Variants in ATP2B1 observed in about 807,000 individuals in gnomAD.
ATP2B1 encodes plasma membrane calcium-transporting ATPase 1.
A neutral mutation model predicts 124.2 loss-of-function variants in ATP2B1; 14 were observed. The ratio of observed to expected loss-of-function variants is 0.11; its 90% confidence interval spans 0.07 to 0.18. The LOEUF is 0.18. Among genes scored for constraint, ATP2B1 ranks in the 10% least tolerant of loss-of-function variants. ATP2B1 has a pLI of 1.00. For synonymous variants in ATP2B1, 449 were observed against 492.4 expected, an observed-to-expected ratio of 0.91 and a Z score of 1.17; for missense variants, 763 against 1,466.1, an observed-to-expected ratio of 0.52 and a Z score of 7.83.
intron 1 of ATP2B1, among the ~76,000 whole-genome samples, chr12:89,672,830 T>C (rs1020606712): frequency 3.3e-5 from 5 of 152,224 alleles, no homozygotes; most frequent in African/African-American, 1.2e-4. Context: ...GTGAATCATA[T>C]TAAGTCTAGT....
intron 3 of ATP2B1, chr12:89,641,910 A>G (rs569966753): frequency 1.5e-5 from 7 of 454,064 alleles, no homozygotes; most frequent in African/African-American, 7.9e-5. Flanking sequence ...GGTCTGTGCC[A>G]GACACATAGT....
At chr12:89,638,380 G>C (rs998388942) in intron 3 of ATP2B1, among the ~76,000 whole-genome samples, 2 of 152,166 alleles carry the variant, frequency 1.3e-5, no homozygotes, top group Non-Finnish European at 2.9e-5. Flanking sequence ...TAACAGTACA[G>C]AGAAGTAGTT....
chr12:89,597,717 A>G (rs1323227098), intron 20 of ATP2B1, among the ~76,000 whole-genome samples: 3 of 152,128 alleles, frequency 2.0e-5, no homozygotes, highest in African/African-American at 7.2e-5. Context: ...AATGCCTCCA[A>G]TATATTGAGA....
intron 1 of ATP2B1, among the ~76,000 whole-genome samples, chr12:89,676,486 C>T (rs1185146998): frequency 6.6e-6 from 1 of 152,070 alleles, no homozygotes; most frequent in Non-Finnish European, 1.5e-5. Flanking sequence ...GAGACAGGGT[C>T]TCACTACGTT....
At chr12:89,690,550 G>C (rs1201424666) in intron 1 of ATP2B1, among the ~76,000 whole-genome samples, 1 of 151,190 alleles carries the variant, frequency 6.6e-6, no homozygotes, top group East Asian at 1.9e-4. Flanking sequence ...GCTCATTCTT[G>C]TGAGTTGAAT....
intron 1 of ATP2B1, among the ~76,000 whole-genome samples, chr12:89,664,851 CTTT>C (rs71307587): frequency 2.8e-5 from 4 of 142,790 alleles, no homozygotes; most frequent in Admixed American, 7.0e-5. Context: ...TTATGCTATT[CTTT>C]TTTTTTTTTT....
Position 89,624,380 on chromosome 12 carries a change from T to A in ATP2B1, c.1147A>T (p.Ile383Phe), listed in dbSNP as rs772172164. 1.9e-6 allele frequency: 3 copies of A among 1,613,678 alleles called. No homozygotes were observed. The Admixed American group carries it at 5.0e-5, about 27-fold the overall frequency. ...IGKAGLLMSA[I>F]TVIILVLYFV... ...TATAATACTAGAATGATAACTGTGA[T>A]GGCAGACATCAACAGACCTTTCAGA... The change falls in exon 9 of 21, where the codon ATC (isoleucine) becomes TTC (phenylalanine). Residue 383 changes from isoleucine to phenylalanine, a missense_variant. Physicochemically the swap from Ile to Phe is conservative, Grantham distance 21 (BLOSUM62 0). Transcript: ENST00000428670.
chr12:89,604,628 C>T (rs1876481856), intron 15 of ATP2B1, among the ~76,000 whole-genome samples: 1 of 151,902 alleles, frequency 6.6e-6, no homozygotes, highest in South Asian at 2.1e-4. Context: ...TTCCAAAAGC[C>T]ACACAAAAAG....
chr12:89,607,798 C>A (rs1487782801), intron 15 of ATP2B1, among the ~76,000 whole-genome samples: 1 of 152,120 alleles, frequency 6.6e-6, no homozygotes, highest in Non-Finnish European at 1.5e-5. Flanking sequence ...AAAGTCTGCA[C>A]ATGTTCACTA....
chr12:89,630,513 T>C lies in ATP2B1; in HGVS notation c.920A>G (p.Glu307Gly). The change falls in exon 6 of 21, where the codon GAA (glutamate) becomes GGA (glycine). Residue 307 changes from glutamate (E) to glycine (G), a missense_variant. Transcript: ENST00000428670. ...AAAATTGTTATTCTTACTTTTCTTT[T>C]CCTTTTTCTTCTCATCTTTCTTCTC... Reference protein sequence around the residue: ...EEEKKDEKKKEKKNKKQDGAI... With the variant: ...EEEKKDEKKKGKKNKKQDGAI... 6.4e-7 allele frequency: 1 copy of C among 1,569,834 alleles called. No individual in the cohort carries two copies.
chr12:89,708,023 C>T (rs775354581), intron 1 of ATP2B1, among the ~76,000 whole-genome samples: 45 of 152,292 alleles, frequency 3.0e-4, no homozygotes, highest in Non-Finnish European at 5.0e-4. Flanking sequence ...GGAGAAAGAC[C>T]AGGCGGCTCT....
At chr12:89,708,301 A>T (rs1170270534) in intron 1 of ATP2B1, among the ~76,000 whole-genome samples, 1 of 152,108 alleles carries the variant, frequency 6.6e-6, no homozygotes, top group East Asian at 1.9e-4. Context: ...GCGGGTGTAG[A>T]CCAGAAGCCC....
At chr12:89,653,982 C>T (rs1461836663) in intron 2 of ATP2B1, among the ~76,000 whole-genome samples, 2 of 152,146 alleles carry the variant, frequency 1.3e-5, no homozygotes, top group African/African-American at 2.4e-5. Flanking sequence ...TATGAACAAA[C>T]TATGTTGTTA....
intron 1 of ATP2B1, among the ~76,000 whole-genome samples, chr12:89,670,925 A>T (rs890607329): frequency 2.0e-5 from 3 of 148,166 alleles, no homozygotes; most frequent in Non-Finnish European, 3.0e-5. Flanking sequence ...ACAGGGAAAG[A>T]AGTATAACAG....
chr12:89,708,016 G>A (rs894064931), intron 1 of ATP2B1, among the ~76,000 whole-genome samples: 2 of 152,220 alleles, frequency 1.3e-5, no homozygotes, highest in African/African-American at 2.4e-5. Flanking sequence ...GGCGTGAGGA[G>A]AAAGACCAGG....
In ATP2B1 at chr12:89,624,370, A is replaced by G. The variant is rs1291230094; in HGVS notation, c.1157T>C (p.Ile386Thr). ...AGLLMSAITVIILVLYFVIDT... is the reference protein window; with the variant it reads ...AGLLMSAITVTILVLYFVIDT... ...AATGACAAAATATAATACTAGAATG[A>G]TAACTGTGATGGCAGACATCAACAG... Residue 386 changes from isoleucine to threonine, a missense_variant, in exon 9 of 21, where the codon ATC (isoleucine) becomes ACC (threonine). Physicochemically the swap from Ile to Thr is moderately conservative, Grantham distance 89 (BLOSUM62 -1). Coordinates refer to ENST00000428670, the MANE Select transcript of ATP2B1 (RefSeq NM_001366521.1). 3 of 1,614,002 alleles carry G rather than the reference A, an allele frequency of 1.9e-6. No homozygotes were observed. Among genetic ancestry groups the G allele is most frequent in the Non-Finnish European group, 2.5e-6 (3 of 1,179,926 alleles).
intron 20 of ATP2B1, chr12:89,598,619 G>A: frequency 6.2e-7 from 1 of 1,613,944 alleles, no homozygotes; most frequent in Middle Eastern, 1.6e-4. Context: ...AGTAGAAGAG[G>A]AAAACACTAC....
At chr12:89,625,584 C>CAAAAAAAAAAAAAAAAA (rs10560749) in intron 8 of ATP2B1, among the ~76,000 whole-genome samples, 19 of 81,550 alleles carry the variant, frequency 2.3e-4, no homozygotes, top group Non-Finnish European at 2.6e-4. Flanking sequence ...GACCCTGTCT[C>CAAAAAAAAAAAAAAAAA]AAAAAAAAAA....
chr12:89,641,905 GT>G, intron 3 of ATP2B1: 2 of 442,542 alleles, frequency 4.5e-6, no homozygotes, highest in Non-Finnish European at 8.1e-6. Flanking sequence ...GCATAGGTCT[GT>G]GCCAGACACA....
Sources: allele counts gnomAD v4.1 joint callset (sites outside exome capture counted in the v4.1 genomes callset), GRCh38; gene constraint gnomAD v4.1.1; transcripts MANE v1.5; gene names NCBI Gene and HGNC (gene_info 2026-07-23, HGNC 2026-07-21).